Variants in ARPC3 observed in about 807,000 individuals in gnomAD.
ARPC3 encodes actin related protein 2/3 complex subunit 3, also known as actin-related protein 2/3 complex subunit 3.
In ARPC3, 12 loss-of-function variants were observed where a neutral mutation model predicts 27.6. The observed-to-expected ratio is 0.43, with a 90% CI of 0.28 to 0.70. The LOEUF (loss-of-function observed/expected upper bound fraction) is 0.70. Ranked by LOEUF, ARPC3 falls within the 30% of genes least tolerant of loss-of-function variation. ARPC3 has a pLI of 0.17. For synonymous variants in ARPC3, 53 were observed against 67.2 expected, an observed-to-expected ratio of 0.79 and a Z score of 1.03; for missense variants, 153 against 207.7, an observed-to-expected ratio of 0.74 and a Z score of 1.62.
rs375877607 is a variant in ARPC3, at chr12:110,436,711, T to TACACACACAC, written c.253-38_253-29dup. ...GGAAAAAAAAATATATATATATATA[T>TACACACACAC]ACACACACACACACACACACACACA... On this transcript the variant is annotated intron_variant, in intron 4 of 6. Transcript: ENST00000228825. The TACACACACAC allele has an allele frequency of 3.2e-3, 1,230 of 382,138 alleles. 20 individuals are homozygous for TACACACACAC. Among genetic ancestry groups the TACACACACAC allele is most frequent in the African/African-American group, 0.029 (1,053 of 36,446 alleles). 23.7% of individuals were successfully genotyped at this position (382,138 alleles called of 1,614,324 possible).
chr12:110,441,353 G>A (rs527781934), intron 2 of ARPC3, among the ~76,000 whole-genome samples: 118 of 151,564 alleles, frequency 7.8e-4, no homozygotes, highest in African/African-American at 2.6e-3. Context: ...GGCTGGTCTC[G>A]AACTCCTGAC....
At chr12:110,435,908 G>A (rs933942095) in intron 6 of ARPC3, among the ~76,000 whole-genome samples, 2 of 152,228 alleles carry the variant, frequency 1.3e-5, no homozygotes, top group Admixed American at 6.6e-5. Context: ...TTACAGGCGT[G>A]AGCCACTGCG....
rs572672045 is a variant in ARPC3 at position 110,434,990 on chromosome 12, C to A, written c.*165G>T. On this transcript the variant is annotated 3_prime_UTR_variant, in exon 7 of 7. Transcript: ENST00000228825. ...AAATTTCAAATCACCCTTGATAACC[C>A]ACTTTCTTTTCTCCCACCCAAATTC... is the stretch of plus-strand genomic sequence containing the variant. 12 of 720,136 alleles carry A rather than the reference C, an allele frequency of 1.7e-5. No individual in the cohort carries two copies. In the South Asian group the frequency reaches 1.8e-4, roughly 11 times the overall value. The allele number at this position is 720,136 out of a possible 1,614,324, so 44.6% of individuals were successfully genotyped here.
intron 2 of ARPC3, chr12:110,445,085 G>C (rs2062456853): frequency 4.1e-6 from 1 of 241,340 alleles, no homozygotes; most frequent in Admixed American, 5.1e-5. Context: ...ATTTAGACGA[G>C]GAAGAGGTTA....
chr12:110,442,478 C>T lies in ARPC3; in HGVS notation c.107-2090G>A, dbSNP rs536824871. Among the ~76,000 whole-genome samples, 9 of 152,002 alleles carry T rather than the reference C, an allele frequency of 5.9e-5. No individual in the cohort carries two copies. In the South Asian group the frequency reaches 1.2e-3, roughly 21 times the overall value. On this transcript the variant is annotated intron_variant, in intron 2 of 6. Coordinates refer to ENST00000228825, the MANE Select transcript of ARPC3 (RefSeq NM_001278556.2). Reference sequence around the variant, plus strand: ...CAAAAACTAGCCGGGCATGGTGGTACGTGCCTGTAATCCCAGCTACTCAGG... The same window carrying T: ...CAAAAACTAGCCGGGCATGGTGGTATGTGCCTGTAATCCCAGCTACTCAGG...
At chr12:110,437,311 C>A in intron 3 of ARPC3, 159 bp from the exon 4 acceptor site, 4 of 638,668 alleles carry the variant, frequency 6.3e-6, no homozygotes, top group Non-Finnish European at 1.1e-5. Context: ...ACAGTCTCCT[C>A]AGTCTCCTTT....
chr12:110,440,835 C>T lies in ARPC3; in HGVS notation c.107-447G>A, dbSNP rs1353777514. Among the ~76,000 whole-genome samples, 3 of 138,894 alleles carry T rather than the reference C, an allele frequency of 2.2e-5. No individual in the cohort carries two copies. The Admixed American group carries it at 2.3e-4, about 11-fold the overall frequency. 91.1% of individuals were successfully genotyped at this position (138,894 alleles called of 152,430 possible). ...TGCTGGGATTACAGGCATGAGCCACCGTGCCCAGCCTTTGTTTTTTTTTTT... is the reference window on the plus strand; with the variant it reads ...TGCTGGGATTACAGGCATGAGCCACTGTGCCCAGCCTTTGTTTTTTTTTTT... On this transcript the variant is annotated intron_variant, in intron 2 of 6. Transcript: ENST00000228825.
chr12:110,435,835 A>T (rs111874190), intron 6 of ARPC3, among the ~76,000 whole-genome samples: 1 of 151,752 alleles, frequency 6.6e-6, no homozygotes, highest in African/African-American at 2.4e-5. Context: ...CATGTTGGCC[A>T]GGCTGGTCTC....
chr12:110,440,134 T>A (rs188595434), intron 3 of ARPC3, among the ~76,000 whole-genome samples, 178 bp downstream of exon 3: 26 of 152,150 alleles, frequency 1.7e-4, no homozygotes, highest in African/African-American at 6.0e-4. Context: ...TGGTATAGAA[T>A]TTGGAGGAAA....
rs1212767234 is a variant in ARPC3, at chr12:110,435,353, G to A, written c.475-136C>T. 2.3e-5 allele frequency: 17 copies of A among 728,154 alleles called. No individual in the cohort carries two copies. In the East Asian group the frequency reaches 3.7e-4, roughly 16 times the overall value. The allele number at this position is 728,154 out of a possible 1,614,324, so 45.1% of individuals were successfully genotyped here. ...TTTTTTTTTTTTGAGACGGAGTCTC[G>A]CTCTGTCGCCCAGGCTGGAGTGCTG... On this transcript the variant is annotated intron_variant, in intron 6 of 6. Coordinates refer to ENST00000228825, the MANE Select transcript of ARPC3 (RefSeq NM_001278556.2).
intron 3 of ARPC3, among the ~76,000 whole-genome samples, chr12:110,439,584 G>A (rs7136763): frequency 6.6e-6 from 1 of 152,206 alleles, no homozygotes; most frequent in African/African-American, 2.4e-5. Flanking sequence ...TGTAATCCCA[G>A]CACACTGAGA....
chr12:110,442,845 C>T (rs2062445737), intron 2 of ARPC3: 1 of 152,180 alleles, frequency 6.6e-6, no homozygotes, highest in Admixed American at 6.6e-5. Context: ...AAAGACAGAT[C>T]TCATGACACA....
rs765949521 is a variant in ARPC3 at position 110,436,117 on chromosome 12, G to A, written c.467C>T (p.Pro156Leu). 1.7e-5 allele frequency: 27 copies of A among 1,612,050 alleles called. No homozygotes were observed. Among genetic ancestry groups the A allele is most frequent in the Non-Finnish European group, 2.0e-5 (23 of 1,178,754 alleles). The change falls in exon 6 of 7, where the codon CCC (proline) becomes CTC (leucine). Residue 156 changes from proline to leucine, a missense_variant. Physicochemically the swap from Pro to Leu is moderately conservative, Grantham distance 98 (BLOSUM62 -3). Coordinates refer to ENST00000228825, the MANE Select transcript of ARPC3 (RefSeq NM_001278556.2). ...EKVFDPQNDK[P>L]SKWWTCFVKR... ...GCAAGAAGAGGGTCTTACCTTGCTG[G>A]GTTTATCATTCTGAGGGTCGAAAAC... is the stretch of plus-strand genomic sequence containing the variant.
At chr12:110,436,750 ACACAT>A (rs2062408186) in intron 4 of ARPC3, 67 bp from the exon 5 acceptor site, 5 of 1,129,020 alleles carry the variant, frequency 4.4e-6, no homozygotes, top group East Asian at 5.2e-5. Context: ...ACACACACAC[ACACAT>A]ATTTTACAGG....
intron 5 of ARPC3, 115 bp from the exon 6 acceptor site, chr12:110,436,319 A>G: frequency 9.1e-7 from 1 of 1,103,556 alleles, no homozygotes; most frequent in Middle Eastern, 2.0e-4. Flanking sequence ...ACAGGATACA[A>G]AATAGAAATG....
chr12:110,446,502 C>G (rs76142162), intron 1 of ARPC3, among the ~76,000 whole-genome samples: 22,355 of 149,916 alleles, frequency 0.15, 2,320 homozygotes, highest in African/African-American at 0.3. Flanking sequence ...TCTCCATTTT[C>G]GCCAGGCTGG....
chr12:110,446,286 G>C (rs953908832), intron 1 of ARPC3, among the ~76,000 whole-genome samples: 16 of 147,724 alleles, frequency 1.1e-4, no homozygotes, highest in Non-Finnish European at 1.8e-4. Context: ...ACCACACCTG[G>C]CTACTTCCTA....
intron 4 of ARPC3, 28 bp from the exon 5 acceptor site, chr12:110,436,711 TACAC>T (rs375877607): frequency 0.065 from 24,276 of 373,600 alleles, 181 homozygotes; most frequent in African/African-American, 0.086. Flanking sequence ...TATATATATA[TACAC>T]ACACACACAC....
At position 110,440,596 on chromosome 12, in the gene ARPC3, G is replaced by A. The variant is rs560604074; in HGVS notation, c.107-208C>T. 107 of 472,740 alleles carry A rather than the reference G, an allele frequency of 2.3e-4. 3 individuals carry two copies. Among genetic ancestry groups the A allele is most frequent in the South Asian group, 2.2e-3 (105 of 47,328 alleles). 29.3% of individuals were successfully genotyped at this position (472,740 alleles called of 1,614,324 possible). Reference sequence around the variant, plus strand: ...GAGTCTCGCTCTGTCACCCAGGCTGGAGTGCAGTGGCGTGATCTTGGCTCA... The same window carrying A: ...GAGTCTCGCTCTGTCACCCAGGCTGAAGTGCAGTGGCGTGATCTTGGCTCA... On this transcript the variant is annotated intron_variant, in intron 2 of 6. Transcript: ENST00000228825.
Sources: gnomAD v4.1 joint callset for allele counts (sites outside exome capture counted in the v4.1 genomes callset) on GRCh38, gnomAD v4.1.1 for gene constraint, MANE v1.5 for transcripts, NCBI Gene and HGNC (gene_info 2026-07-23, HGNC 2026-07-21) for gene names.